Variants in TEX2 observed in about 807,000 individuals in gnomAD.
TEX2 encodes the protein testis expressed 2.
Under a neutral mutation model 106.9 loss-of-function variants are expected in TEX2, and 53 were observed. The ratio of observed to expected loss-of-function variants is 0.50; its 90% confidence interval spans 0.40 to 0.62. The LOEUF (loss-of-function observed/expected upper bound fraction) is 0.62, where lower values mean the gene tolerates loss of function less well. TEX2 is among the 20% of genes least tolerant of loss of function. The pLI is 0.00. For missense variants in TEX2, 1,207 were observed against 1,379.0 expected, an observed-to-expected ratio of 0.88 and a Z score of 1.98; for synonymous variants, 523 against 534.8, an observed-to-expected ratio of 0.98 and a Z score of 0.30.
At chr17:64,156,992 C>T (rs2030660908) in intron 8 of TEX2, among the ~76,000 whole-genome samples, 1 of 152,206 alleles carries the variant, frequency 6.6e-6, no homozygotes, top group South Asian at 2.1e-4. Flanking sequence ...GAAGTGAACA[C>T]TTTAGGTAAT....
At chr17:64,243,755 T>C (rs547712410) in intron 1 of TEX2, among the ~76,000 whole-genome samples, 7 of 152,178 alleles carry the variant, frequency 4.6e-5, no homozygotes, top group South Asian at 4.2e-4. Flanking sequence ...AGAGAGTTCA[T>C]AGTGTTCAGA....
chr17:64,252,117 A>G (rs1265313800), intron 1 of TEX2, among the ~76,000 whole-genome samples: 2 of 152,214 alleles, frequency 1.3e-5, no homozygotes, highest in African/African-American at 4.8e-5. Context: ...CAAGAGGATC[A>G]GCCTCAAATC....
At chr17:64,211,312 G>C (rs782196861) in intron 2 of TEX2, among the ~76,000 whole-genome samples, 1 of 152,078 alleles carries the variant, frequency 6.6e-6, no homozygotes, top group Non-Finnish European at 1.5e-5. Flanking sequence ...ACCTCTCTCA[G>C]AGCCTGAATC....
rs976945827 is a variant in TEX2 at position 64,148,386 on chromosome 17, G to A, written c.*583C>T. 22 of 153,058 alleles carry A rather than the reference G, an allele frequency of 1.4e-4. No individual in the cohort carries two copies. In the Admixed American group the frequency reaches 1.4e-3, roughly 10 times the overall value. 9.5% of individuals were successfully genotyped at this position (153,058 alleles called of 1,614,324 possible). A position where few individuals can be genotyped will look rare whatever the true frequency, so the allele number is the denominator to read the frequency against. Reference sequence around the variant, plus strand: ...TCCTTACCCAAGCTGATAGCGTGTTGTGTGTGTACTATGGCTACTTGCTTC... The same window carrying A: ...TCCTTACCCAAGCTGATAGCGTGTTATGTGTGTACTATGGCTACTTGCTTC... On this transcript the variant is annotated 3_prime_UTR_variant, in exon 12 of 12. Transcript: ENST00000584379.
intron 10 of TEX2, 27 bp from the exon 11 acceptor site, chr17:64,150,988 T>G: frequency 6.2e-7 from 1 of 1,610,130 alleles, no homozygotes; most frequent in Non-Finnish European, 8.5e-7. Context: ...AATAACCACA[T>G]TTAGAAGCAA....
At chr17:64,244,230 T>G (rs1354927210) in intron 1 of TEX2, among the ~76,000 whole-genome samples, 1 of 152,110 alleles carries the variant, frequency 6.6e-6, no homozygotes, top group Non-Finnish European at 1.5e-5. Flanking sequence ...GTCAAAAACC[T>G]TTTCCCAAGA....
In TEX2 at chr17:64,257,758, G is replaced by A. The variant is rs140372539; in HGVS notation, c.-26+5410C>T. ...TTAATGACGCTGGCAATTTGGATACGCCAAAGTGAAGCTGTAAAGTGCTTC... is the reference window on the plus strand; with the variant it reads ...TTAATGACGCTGGCAATTTGGATACACCAAAGTGAAGCTGTAAAGTGCTTC... On this transcript the variant is annotated intron_variant, in intron 1 of 11. Transcript: ENST00000584379. 9.6e-3 allele frequency among the ~76,000 whole-genome samples: 1,462 copies of A among 152,238 alleles called. 13 individuals are homozygous for A. The highest frequency in any genetic ancestry group is 0.015 in the South Asian group (71 of 4,826).
chr17:64,165,050 A>G (rs1426676006), intron 7 of TEX2, among the ~76,000 whole-genome samples: 2 of 152,270 alleles, frequency 1.3e-5, no homozygotes, highest in East Asian at 1.9e-4. Context: ...TTTCTCCTCC[A>G]TTTCCTTCTA....
chr17:64,198,607 G>C (rs1320621365), intron 2 of TEX2, among the ~76,000 whole-genome samples: 1 of 152,096 alleles, frequency 6.6e-6, no homozygotes, highest in Non-Finnish European at 1.5e-5. Flanking sequence ...TAGAGTAGAG[G>C]CTACTTGAGA....
intron 8 of TEX2, among the ~76,000 whole-genome samples, chr17:64,156,638 T>C (rs1002427188): frequency 1.3e-5 from 2 of 152,178 alleles, no homozygotes; most frequent in Admixed American, 6.5e-5. Context: ...AAGTCAGAGA[T>C]GTAAATCCCC....
At position 64,217,069 on chromosome 17, in the gene TEX2, G is replaced by T. The variant is rs2033208821; in HGVS notation, c.-25-2827C>A. Reference sequence around the variant, plus strand: ...CATCACTACTGCTCTTTAAATACAAGAAAATGTCCAGGCTTCTGTTTGCTC... The same window carrying T: ...CATCACTACTGCTCTTTAAATACAATAAAATGTCCAGGCTTCTGTTTGCTC... On this transcript the variant is annotated intron_variant, in intron 1 of 11. Coordinates refer to ENST00000584379, the MANE Select transcript of TEX2 (RefSeq NM_001288732.2). This position sits in a 1 kb window ranked among gnomAD's most constrained non-coding sequence, Gnocchi z 4.3. Among the ~76,000 whole-genome samples, 1 of 152,186 alleles carries T rather than the reference G, an allele frequency of 6.6e-6. No individual in the cohort carries two copies. Among genetic ancestry groups the T allele is most frequent in the Admixed American group, 6.5e-5 (1 of 15,274 alleles).
At position 64,249,039 on chromosome 17, in the gene TEX2, A is replaced by T. The variant is rs545723687; in HGVS notation, c.-26+14129T>A. Among the ~76,000 whole-genome samples, 776 of 135,566 alleles carry T rather than the reference A, an allele frequency of 5.7e-3. 10 individuals are homozygous for T. The highest frequency in any genetic ancestry group is 0.02 in the African/African-American group (716 of 35,498). The allele number at this position is 135,566 out of a possible 152,430, so 88.9% of individuals were successfully genotyped here. ...AACAGAACAAGACTTTGTCTCAAAG[A>T]AAAAAAAAAAAAGGAAAAAACATAA... On this transcript the variant is annotated intron_variant, in intron 1 of 11. Coordinates refer to ENST00000584379, the MANE Select transcript of TEX2 (RefSeq NM_001288732.2).
chr17:64,163,305 T>A (rs1327882321), intron 7 of TEX2, among the ~76,000 whole-genome samples: 3 of 151,882 alleles, frequency 2.0e-5, no homozygotes, highest in Admixed American at 6.6e-5. Context: ...ATATATATAT[T>A]TTATTTTTGG....
At position 64,148,052 on chromosome 17, in the gene TEX2, T is replaced by C. The variant is rs1006865718; in HGVS notation, c.*917A>G. ...AATTAAAGAGAGCAGTTCTCCGTTT[T>C]GGCCTTCAGGAAGGGAAATCTGCCC... On this transcript the variant is annotated 3_prime_UTR_variant, in exon 12 of 12. Transcript: ENST00000584379. 1 of 152,480 alleles carries C rather than the reference T, an allele frequency of 6.6e-6. No individual in the cohort carries two copies. Among genetic ancestry groups the C allele is most frequent in the Non-Finnish European group, 1.5e-5 (1 of 68,026 alleles). The allele number at this position is 152,480 out of a possible 1,614,324, so 9.4% of individuals were successfully genotyped here. A position where few individuals can be genotyped will look rare whatever the true frequency, so the allele number is the denominator to read the frequency against.
intron 6 of TEX2, among the ~76,000 whole-genome samples, chr17:64,174,404 T>A (rs2031539113): frequency 6.6e-6 from 1 of 151,916 alleles, no homozygotes; most frequent in South Asian, 2.1e-4. Flanking sequence ...GGAGGGGAGA[T>A]CAGAGGGCCT....
intron 1 of TEX2, among the ~76,000 whole-genome samples, chr17:64,223,000 C>G (rs1229348024): frequency 6.6e-6 from 1 of 152,182 alleles, no homozygotes; most frequent in African/African-American, 2.4e-5. Flanking sequence ...AGAAGTTCAT[C>G]TCTCCCATTA....
At chr17:64,172,104 C>T (rs2031431011) in intron 6 of TEX2, among the ~76,000 whole-genome samples, 1 of 152,070 alleles carries the variant, frequency 6.6e-6, no homozygotes, top group South Asian at 2.1e-4. Flanking sequence ...CCTGTAATCC[C>T]AGCACTTTGG....
chr17:64,164,892 G>A (rs141527715), intron 7 of TEX2, among the ~76,000 whole-genome samples: 1 of 152,350 alleles, frequency 6.6e-6, no homozygotes, highest in African/African-American at 2.4e-5. Context: ...CCGTGGCCAT[G>A]TGAATCTAAT....
Position 64,213,053 on chromosome 17 carries a change from T to C in TEX2, c.1165A>G (p.Ser389Gly), listed in dbSNP as rs782409007. The C allele has an allele frequency of 1.1e-5, 17 of 1,614,138 alleles. No individual in the cohort carries two copies. Among genetic ancestry groups the C allele is most frequent in the Admixed American group, 1.7e-5 (1 of 60,012 alleles). ...EIELKSSQGSSLKDLGLKTSS... is the reference protein window; with the variant it reads ...EIELKSSQGSGLKDLGLKTSS... ...GTCTTCAGGCCTAAATCCTTCAGAC[T>C]GCTCCCCTGGGAACTTTTCAGTTCT... The change falls in exon 2 of 12, where the codon AGT (serine) becomes GGT (glycine). Residue 389 changes from serine to glycine, a missense_variant. By Grantham distance (56) the Ser-to-Gly change is moderately conservative. This residue lies in a region of TEX2 where 1,067 missense variants were observed against 1,193.6 expected (regional missense o/e 0.89). Coordinates refer to ENST00000584379, the MANE Select transcript of TEX2 (RefSeq NM_001288732.2). This position sits in a 1 kb window ranked among gnomAD's most constrained non-coding sequence, Gnocchi z 4.4.
Sources: gnomAD v4.1 joint callset for allele counts (sites outside exome capture counted in the v4.1 genomes callset) on GRCh38, gnomAD v4.1.1 for gene constraint, gnomAD v4.1.1 regional missense constraint, Gnocchi (gnomAD v3.1) non-coding constraint, MANE v1.5 for transcripts, NCBI Gene and HGNC (gene_info 2026-07-23, HGNC 2026-07-21) for gene names.